Variants in TG observed in about 807,000 individuals in gnomAD.
TG encodes thyroglobulin, also known as thyroid hormones.
Under a neutral mutation model 324.7 loss-of-function variants are expected in TG, and 270 were observed. The ratio of observed to expected loss-of-function variants is 0.83; its 90% confidence interval spans 0.75 to 0.92. The LOEUF is 0.92. Among genes scored for constraint, TG ranks in the 40% least tolerant of loss-of-function variants. The probability of loss-of-function intolerance (pLI) is 0.00; values close to 1 mark genes in which losing one functional copy is unlikely to be tolerated. For missense variants in TG, 3,591 were observed against 3,456.4 expected (o/e 1.04, Z -0.98); for synonymous variants, 1,401 against 1,327.0 (o/e 1.06, Z -1.21).
intron 41 of TG, among the ~76,000 whole-genome samples, chr8:133,076,914 T>A (rs1369630948): frequency 6.6e-6 from 1 of 152,152 alleles, no homozygotes; most frequent in Non-Finnish European, 1.5e-5. Flanking sequence ...GTTATTTGAA[T>A]ATGTACTACA....
chr8:132,869,433 G>A (rs953357917), intron 2 of TG, among the ~76,000 whole-genome samples: 3 of 152,184 alleles, frequency 2.0e-5, no homozygotes, highest in African/African-American at 7.2e-5. Context: ...AGGACACTTG[G>A]TGGATGTGGC....
At position 133,100,063 on chromosome 8, in the gene TG, A is replaced by G. The variant is rs183841816; in HGVS notation, c.7572+3690A>G. 1.4e-4 allele frequency among the ~76,000 whole-genome samples: 21 copies of G among 152,250 alleles called. 1 individual carries two copies. In the East Asian group the frequency reaches 2.7e-3, roughly 20 times the overall value. Reference sequence around the variant, plus strand: ...TCTATGAACTGCCAGAGCCTATTTGATGTGACCTCTGTTAGCTCTCTGACC... The same window carrying G: ...TCTATGAACTGCCAGAGCCTATTTGGTGTGACCTCTGTTAGCTCTCTGACC... On this transcript the variant is annotated intron_variant, in intron 43 of 47. Coordinates refer to ENST00000220616, the MANE Select transcript of TG (RefSeq NM_003235.5).
At chr8:133,119,486 G>A (rs1415042174) in intron 45 of TG, among the ~76,000 whole-genome samples, 4 of 152,212 alleles carry the variant, frequency 2.6e-5, no homozygotes, top group African/African-American at 9.7e-5. Context: ...AAGATTTGGT[G>A]TCTAGTAGGG....
chr8:133,073,207 A>T (rs192023878), intron 41 of TG: 1 of 152,344 alleles, frequency 6.6e-6, no homozygotes, highest in African/African-American at 2.4e-5. Flanking sequence ...ATTACGGCAC[A>T]ATCTTTCTAT....
At chr8:132,901,260 G>A (rs1817884622) in intron 15 of TG, 93 bp from the exon 16 acceptor site, 1 of 1,484,710 alleles carries the variant, frequency 6.7e-7, no homozygotes, top group Non-Finnish European at 9.3e-7. Context: ...CAGGTGGGCT[G>A]AGGGTGGCCG....
chr8:132,988,893 A>T, intron 35 of TG: 1 of 985,376 alleles, frequency 1.0e-6, no homozygotes, highest in Non-Finnish European at 1.2e-6. Context: ...TGTTTCTCTT[A>T]GAGGTGTGTA....
At chr8:132,976,499 T>A (rs1206366784) in intron 34 of TG, among the ~76,000 whole-genome samples, 2 of 152,200 alleles carry the variant, frequency 1.3e-5, no homozygotes, top group African/African-American at 4.8e-5. Flanking sequence ...TGTGGAAGCC[T>A]GTTGCTGGAA....
intron 35 of TG, among the ~76,000 whole-genome samples, chr8:132,994,476 A>C (rs995263444): frequency 6.6e-6 from 1 of 152,142 alleles, no homozygotes; most frequent in South Asian, 2.1e-4. Flanking sequence ...AGTGAATGGG[A>C]CCATCCCTGA....
At chr8:133,070,306 C>T (rs748055420) in intron 41 of TG, among the ~76,000 whole-genome samples, 1 of 152,084 alleles carries the variant, frequency 6.6e-6, no homozygotes, top group East Asian at 1.9e-4. Context: ...TGGAGCGAAC[C>T]GACTCTTTAT....
At chr8:132,868,317 C>T in intron 2 of TG, 94 bp downstream of exon 2, 1 of 1,135,022 alleles carries the variant, frequency 8.8e-7, no homozygotes, top group Non-Finnish European at 1.3e-6. Context: ...TGCCCTGCAA[C>T]TCCTTTGTGC....
At position 133,095,067 on chromosome 8, in the gene TG, C is replaced by A; in HGVS notation, c.7263C>A (p.Ala2421=). Residue 2421 remains alanine (A), a synonymous_variant, in exon 42 of 48, where the codon GCC becomes GCA. Transcript: ENST00000220616. ...VLMGGSALSP[A]AVISHERAQQ... ...AGGGAGGCTCCGCACTCTCCCCGGC[C>A]GCCGTCATCAGCCATGAGAGGGCTC... 1 of 1,613,932 alleles carries A rather than the reference C, an allele frequency of 6.2e-7. No individual in the cohort carries two copies. Among genetic ancestry groups the A allele is most frequent in the Non-Finnish European group, 8.5e-7 (1 of 1,180,024 alleles).
At chr8:132,883,048 T>G (rs756421417) in intron 8 of TG, 49 bp downstream of exon 8, 1 of 1,590,016 alleles carries the variant, frequency 6.3e-7, no homozygotes, top group Non-Finnish European at 8.6e-7. Flanking sequence ...TCATATTACT[T>G]TGGCGGTCCT....
At chr8:133,113,249 G>A (rs1199558734) in intron 43 of TG, among the ~76,000 whole-genome samples, 173 bp from the exon 44 acceptor site, 2 of 152,184 alleles carry the variant, frequency 1.3e-5, no homozygotes, top group Admixed American at 1.3e-4. Flanking sequence ...AGGACACACA[G>A]CTAGAAGGAG....
intron 20 of TG, among the ~76,000 whole-genome samples, chr8:132,914,091 A>G (rs2132400853): frequency 6.6e-6 from 1 of 152,320 alleles, no homozygotes; most frequent in South Asian, 2.1e-4. Flanking sequence ...CCTTAGAACT[A>G]CACACAGCTG....
At chr8:132,923,647 T>C in intron 22 of TG, 139 bp downstream of exon 22, 1 of 1,012,106 alleles carries the variant, frequency 9.9e-7, no homozygotes, top group Non-Finnish European at 1.4e-6. Context: ...GTGTAGAAGT[T>C]GGAAGAACCG....
chr8:132,892,649 T>C (rs902255417), intron 10 of TG, among the ~76,000 whole-genome samples: 3 of 152,090 alleles, frequency 2.0e-5, no homozygotes, highest in African/African-American at 7.2e-5. Context: ...GGGTGTGTAT[T>C]GTGTAGTGTG....
chr8:133,053,865 T>C (rs2131260183), intron 41 of TG, among the ~76,000 whole-genome samples: 1 of 152,314 alleles, frequency 6.6e-6, no homozygotes, highest in South Asian at 2.1e-4. Flanking sequence ...CTATGGCACT[T>C]AAACATCACT....
At chr8:133,065,335 C>G (rs1564141762) in intron 41 of TG, among the ~76,000 whole-genome samples, 1 of 152,254 alleles carries the variant, frequency 6.6e-6, no homozygotes, top group Non-Finnish European at 1.5e-5. Context: ...AGAGCTAAAG[C>G]TGGGATTCCA....
chr8:132,886,724 G>T lies in TG; in HGVS notation c.1352G>T (p.Arg451Leu), dbSNP rs771452968. 2 of 1,614,148 alleles carry T rather than the reference G, an allele frequency of 1.2e-6. No homozygotes were observed. The highest frequency in any genetic ancestry group is 2.2e-5 in the South Asian group (2 of 91,080). ...GCCATCCGAGCAATTTTTCCCTCCC[G>T]AGGGCTGGCTCGTCTTGCCCTTCAG... ...KEAIRAIFPS[R>L]GLARLALQFT... Residue 451 changes from arginine (R) to leucine (L), a missense_variant, in exon 9 of 48, where the codon CGA (arginine) becomes CTA (leucine). Physicochemically the swap from Arg to Leu is moderately radical, Grantham distance 102. Coordinates refer to ENST00000220616, the MANE Select transcript of TG (RefSeq NM_003235.5).
Sources: gnomAD v4.1 joint callset for allele counts (sites outside exome capture counted in the v4.1 genomes callset) on GRCh38, gnomAD v4.1.1 for gene constraint, MANE v1.5 for transcripts, NCBI Gene and HGNC (gene_info 2026-07-23, HGNC 2026-07-21) for gene names.